DLGAP1: variants seen among roughly 807,000 people sequenced by gnomAD.
The protein encoded by DLGAP1 is DLG associated protein 1.
In DLGAP1, 11 loss-of-function variants were observed where a neutral mutation model predicts 90.8. That is an observed-to-expected ratio of 0.12 (90% CI 0.08 to 0.20). DLGAP1 has a LOEUF of 0.20. Ranked by LOEUF, DLGAP1 falls within the 10% of genes least tolerant of loss-of-function variation. DLGAP1 has a pLI of 1.00. For synonymous variants in DLGAP1, 558 were observed against 540.7 expected (o/e 1.03, Z -0.44); for missense variants, 1,050 against 1,333.8 (o/e 0.79, Z 3.31).
At chr18:3,740,740 GACC>G (rs774643230) in intron 6 of DLGAP1, among the ~76,000 whole-genome samples, 8 of 148,692 alleles carry the variant, frequency 5.4e-5, no homozygotes, top group Non-Finnish European at 6.0e-5. Flanking sequence ...TCACAATCAC[GACC>G]ACCACCACCA....
At chr18:3,575,616 C>G (rs1242450516) in intron 8 of DLGAP1, among the ~76,000 whole-genome samples, 1 of 152,122 alleles carries the variant, frequency 6.6e-6, no homozygotes, top group East Asian at 1.9e-4. Context: ...ATATTTTGCT[C>G]TATACACTCC....
At position 3,548,744 on chromosome 18, in the gene DLGAP1, A is replaced by G. The variant is rs148335790; in HGVS notation, c.2058-14129T>C. Among the ~76,000 whole-genome samples the G allele has an allele frequency of 2.0e-5, 3 of 152,326 alleles. 1 individual carries two copies. Among genetic ancestry groups the G allele is most frequent in the South Asian group, 4.1e-4 (2 of 4,824 alleles). Reference sequence around the variant, plus strand: ...TGTCCATATTCATGACTTCTACTCAACATTGCACTAGGCCAGGTGCAGTGG... The same window carrying G: ...TGTCCATATTCATGACTTCTACTCAGCATTGCACTAGGCCAGGTGCAGTGG... On this transcript the variant is annotated intron_variant, in intron 9 of 12. Transcript: ENST00000315677.
At chr18:3,930,339 C>T (rs1269654914) in intron 3 of DLGAP1, among the ~76,000 whole-genome samples, 2 of 152,160 alleles carry the variant, frequency 1.3e-5, no homozygotes, top group Admixed American at 1.3e-4. Flanking sequence ...CTATCTTCTT[C>T]GTGGCAAATA....
chr18:4,321,053 A>C (rs1460201556), intron 1 of DLGAP1, among the ~76,000 whole-genome samples: 1 of 152,202 alleles, frequency 6.6e-6, no homozygotes, highest in African/African-American at 2.4e-5. Context: ...AATATTTTGA[A>C]AGTGCTGTTA....
chr18:4,302,511 ATTTTT>A (rs71160953), intron 1 of DLGAP1, among the ~76,000 whole-genome samples: 1 of 151,756 alleles, frequency 6.6e-6, no homozygotes, highest in Non-Finnish European at 1.5e-5. Flanking sequence ...GTATTTTTAA[ATTTTT>A]TTTATTTTTT....
intron 1 of DLGAP1, among the ~76,000 whole-genome samples, chr18:4,408,289 G>T (rs774858073): frequency 6.6e-6 from 1 of 152,052 alleles, no homozygotes; most frequent in Non-Finnish European, 1.5e-5. Context: ...CAGGGGGTGG[G>T]AGAACAGAGG....
intron 2 of DLGAP1, among the ~76,000 whole-genome samples, chr18:4,061,437 T>C (rs1160891152): frequency 6.6e-6 from 1 of 152,170 alleles, no homozygotes; most frequent in African/African-American, 2.4e-5. Flanking sequence ...ATTATTCAGT[T>C]TACCCATAAA....
chr18:4,147,580 T>C (rs1326473238), intron 2 of DLGAP1, among the ~76,000 whole-genome samples: 1 of 37,688 alleles, frequency 2.7e-5, no homozygotes, highest in Admixed American at 2.7e-4. Context: ...CTTCCATCCA[T>C]CCATCCATCC....
chr18:4,020,562 C>A (rs2074592449), intron 2 of DLGAP1, among the ~76,000 whole-genome samples: 1 of 152,054 alleles, frequency 6.6e-6, no homozygotes, highest in Middle Eastern at 3.2e-3. Context: ...ACTGCCTTAG[C>A]AAAAATTATA....
intron 2 of DLGAP1, among the ~76,000 whole-genome samples, chr18:4,148,409 A>G (rs916897769): frequency 6.6e-6 from 1 of 152,252 alleles, no homozygotes; most frequent in African/African-American, 2.4e-5. Context: ...ACATTTTCTG[A>G]GCAAAAAGCA....
intron 3 of DLGAP1, among the ~76,000 whole-genome samples, chr18:3,989,764 A>G (rs1262962338): frequency 1.3e-5 from 2 of 152,210 alleles, no homozygotes; most frequent in Admixed American, 6.5e-5. Context: ...AGAATCTACA[A>G]TGAACTCAAA....
At chr18:3,827,943 G>A (rs561603195) in intron 4 of DLGAP1, among the ~76,000 whole-genome samples, 1 of 152,252 alleles carries the variant, frequency 6.6e-6, no homozygotes, top group East Asian at 1.9e-4. Flanking sequence ...TCCTTCTCAA[G>A]TACCTTCTAT....
intron 7 of DLGAP1, among the ~76,000 whole-genome samples, chr18:3,723,362 A>C (rs1339612980): frequency 6.6e-6 from 1 of 152,176 alleles, no homozygotes; most frequent in African/African-American, 2.4e-5. Context: ...TTGATGACTC[A>C]GCTTGTTTTA....
chr18:4,024,435 C>T (rs1305474158), intron 2 of DLGAP1, among the ~76,000 whole-genome samples: 3 of 152,130 alleles, frequency 2.0e-5, no homozygotes, highest in Admixed American at 1.3e-4. Flanking sequence ...GAGTGCTACC[C>T]CCACAATGGT....
chr18:3,502,125 A>C, intron 12 of DLGAP1: 1 of 1,062,032 alleles, frequency 9.4e-7, no homozygotes, highest in Admixed American at 4.9e-5. Context: ...TAGGGGTGTA[A>C]GGAAGTTGAA....
At chr18:3,849,754 C>G (rs1268115549) in intron 4 of DLGAP1, among the ~76,000 whole-genome samples, 3 of 152,150 alleles carry the variant, frequency 2.0e-5, no homozygotes, top group Non-Finnish European at 4.4e-5. Context: ...GAGCAGCAAT[C>G]ATATATGTTT....
intron 1 of DLGAP1, among the ~76,000 whole-genome samples, chr18:4,228,851 A>T (rs1206627856): frequency 3.3e-5 from 5 of 151,746 alleles, no homozygotes; most frequent in African/African-American, 1.2e-4. Flanking sequence ...GGCAGTCAAC[A>T]AAAAAAATTT....
At chr18:4,388,696 C>T (rs563787498) in intron 1 of DLGAP1, among the ~76,000 whole-genome samples, 4 of 152,154 alleles carry the variant, frequency 2.6e-5, no homozygotes, top group Non-Finnish European at 5.9e-5. Context: ...TTACTCTCCC[C>T]CACCCGCTGG....
chr18:4,360,792 A>G (rs1464026771), intron 1 of DLGAP1, among the ~76,000 whole-genome samples: 2 of 152,190 alleles, frequency 1.3e-5, no homozygotes, highest in Non-Finnish European at 2.9e-5. Context: ...CAGCCTAGCC[A>G]ACATGGCAAA....
Sources: allele counts gnomAD v4.1 joint callset (sites outside exome capture counted in the v4.1 genomes callset), GRCh38; gene constraint gnomAD v4.1.1; transcripts MANE v1.5; gene names NCBI Gene and HGNC (gene_info 2026-07-23, HGNC 2026-07-21).